DGKB: variants seen among roughly 807,000 people sequenced by gnomAD.
DGKB encodes 90 kDa diacylglycerol kinase.
DGKB carries 67 observed loss-of-function variants against 114.3 expected under a neutral mutation model. That is an observed-to-expected ratio of 0.59 (90% confidence interval 0.48 to 0.72). DGKB has a LOEUF of 0.72. Ranked by LOEUF, DGKB falls within the 30% of genes least tolerant of loss-of-function variation. The probability of loss-of-function intolerance (pLI) is 0.00; values close to 1 mark genes in which losing one functional copy is unlikely to be tolerated. For missense variants in DGKB, 907 were observed against 975.2 expected (o/e 0.93, Z 0.93); for synonymous variants, 398 against 323.1 (o/e 1.23, Z -2.49).
intron 13 of DGKB, among the ~76,000 whole-genome samples, chr7:14,653,722 T>C (rs888891455): frequency 1.3e-5 from 2 of 151,906 alleles, no homozygotes; most frequent in African/African-American, 4.8e-5. Context: ...AGATGGTTCA[T>C]ATATGCAAAT....
chr7:14,487,267 C>T (rs1389712538), intron 20 of DGKB, among the ~76,000 whole-genome samples: 2 of 152,112 alleles, frequency 1.3e-5, no homozygotes, highest in Admixed American at 6.6e-5. Context: ...CAGTTTCCTC[C>T]GGTTTGCTTG....
intron 1 of DGKB, among the ~76,000 whole-genome samples, chr7:14,946,715 G>A (rs1372190528): frequency 3.3e-5 from 5 of 151,656 alleles, no homozygotes; most frequent in Non-Finnish European, 7.4e-5. Flanking sequence ...CCTAGCCATT[G>A]AAGAATAGAA....
chr7:14,676,319 C>A (rs1819848285), intron 12 of DGKB, among the ~76,000 whole-genome samples: 1 of 151,986 alleles, frequency 6.6e-6, no homozygotes, highest in Admixed American at 6.6e-5. Context: ...CAATGAAAAG[C>A]TTTTTATAGT....
At chr7:14,833,487 A>G (rs1846709324) in intron 2 of DGKB, among the ~76,000 whole-genome samples, 1 of 152,146 alleles carries the variant, frequency 6.6e-6, no homozygotes, top group Non-Finnish European at 1.5e-5. Context: ...AGGAAAAGCT[A>G]GACTCCAGGA....
intron 23 of DGKB, among the ~76,000 whole-genome samples, chr7:14,300,732 AGTG>A (rs1803398780): frequency 6.6e-6 from 1 of 152,108 alleles, no homozygotes; most frequent in Non-Finnish European, 1.5e-5. Flanking sequence ...AGTTTTAACA[AGTG>A]TATCGTTCAC....
At chr7:14,879,413 T>A (rs1471729840) in intron 1 of DGKB, among the ~76,000 whole-genome samples, 1 of 152,210 alleles carries the variant, frequency 6.6e-6, no homozygotes, top group Non-Finnish European at 1.5e-5. Context: ...GCTCTTTAAA[T>A]ATAAAAAAAC....
At chr7:14,173,382 T>C (rs147842404) in intron 25 of DGKB, among the ~76,000 whole-genome samples, 1 of 152,324 alleles carries the variant, frequency 6.6e-6, no homozygotes, top group Non-Finnish European at 1.5e-5. Context: ...CATTTTTAAG[T>C]GTGCAGTTCA....
chr7:14,699,402 G>T (rs763903109), intron 7 of DGKB, among the ~76,000 whole-genome samples: 19 of 151,902 alleles, frequency 1.3e-4, no homozygotes, highest in South Asian at 4.2e-4. Flanking sequence ...TGTTACGTAG[G>T]CATGTGATAT....
intron 2 of DGKB, among the ~76,000 whole-genome samples, chr7:14,763,039 C>T (rs1835928724): frequency 6.6e-6 from 1 of 152,052 alleles, no homozygotes; most frequent in South Asian, 2.1e-4. Flanking sequence ...AAATATGATC[C>T]AAATCTATCT....
At chr7:14,928,772 T>G (rs1330275513) in intron 1 of DGKB, among the ~76,000 whole-genome samples, 1 of 151,908 alleles carries the variant, frequency 6.6e-6, no homozygotes, top group Non-Finnish European at 1.5e-5. Context: ...ATATACATCA[T>G]CAGAATAATG....
At position 14,736,097 on chromosome 7, in the gene DGKB, T is replaced by A. The variant is rs1386375483; in HGVS notation, c.266A>T (p.Asn89Ile). ...FTAHLFMSFSNKFPHSSPMVK... is the reference protein window; with the variant it reads ...FTAHLFMSFSIKFPHSSPMVK... ...CATTGGACTAGAATGAGGAAACTTG[T>A]TGCTAAATGACATGAAAAGGTGTGC... Residue 89 changes from asparagine (N) to isoleucine (I), a missense_variant, in exon 5 of 26, where the codon AAC becomes ATC. By Grantham distance (149) the Asn-to-Ile change is moderately radical. Transcript: ENST00000402815. The A allele has an allele frequency of 2.5e-6, 4 of 1,610,630 alleles. No homozygotes were observed. Among genetic ancestry groups the A allele is most frequent in the African/African-American group, 2.7e-5 (2 of 74,866 alleles).
chr7:14,880,324 G>A (rs1176654118), intron 1 of DGKB, among the ~76,000 whole-genome samples: 3 of 152,106 alleles, frequency 2.0e-5, no homozygotes, highest in African/African-American at 7.2e-5. Context: ...CAGGTATGGT[G>A]GCATACACCT....
At chr7:14,219,704 T>A (rs541978292) in intron 23 of DGKB, among the ~76,000 whole-genome samples, 1 of 151,892 alleles carries the variant, frequency 6.6e-6, no homozygotes, top group Non-Finnish European at 1.5e-5. Context: ...ATGATTCCAA[T>A]TATTTTCTCT....
chr7:14,235,607 C>T lies in DGKB; in HGVS notation c.2123-57456G>A, dbSNP rs147038884. Among the ~76,000 whole-genome samples, 403 of 152,126 alleles carry T rather than the reference C, an allele frequency of 2.6e-3. 2 individuals carry two copies. Among genetic ancestry groups the T allele is most frequent in the African/African-American group, 9.4e-3 (389 of 41,516 alleles). ...AAAAATGTGCAACTCAAAGTTATTG[C>T]AGCATATTGTTTATAATATTTGCTT... On this transcript the variant is annotated intron_variant, in intron 23 of 25. Transcript: ENST00000402815.
At chr7:14,292,016 G>A (rs1277758791) in intron 23 of DGKB, among the ~76,000 whole-genome samples, 1 of 152,078 alleles carries the variant, frequency 6.6e-6, no homozygotes, top group African/African-American at 2.4e-5. Flanking sequence ...CACAATATCT[G>A]AAGGACACAT....
At chr7:14,394,660 A>G (rs1821945702) in intron 21 of DGKB, among the ~76,000 whole-genome samples, 1 of 91,364 alleles carries the variant, frequency 1.1e-5, no homozygotes, top group African/African-American at 2.8e-5. Context: ...TTCCCCATCA[A>G]TGACCATTTT....
At chr7:14,176,234 CA>C in intron 25 of DGKB, 2 of 658,846 alleles carry the variant, frequency 3.0e-6, no homozygotes, top group Non-Finnish European at 3.8e-6. Context: ...CTCCCAGTGC[CA>C]AAAGCAGTTC....
intron 23 of DGKB, among the ~76,000 whole-genome samples, chr7:14,261,937 A>G (rs1796836186): frequency 6.6e-6 from 1 of 152,212 alleles, no homozygotes. Flanking sequence ...CCTCAATTAA[A>G]TACCTTAACA....
chr7:14,844,782 C>G (rs1848410067), intron 1 of DGKB, among the ~76,000 whole-genome samples: 1 of 152,078 alleles, frequency 6.6e-6, no homozygotes, highest in Admixed American at 6.6e-5. Flanking sequence ...TTAATTATAT[C>G]TTTCCACCTG....
Sources: gnomAD v4.1 joint callset for allele counts (sites outside exome capture counted in the v4.1 genomes callset) on GRCh38, gnomAD v4.1.1 for gene constraint, MANE v1.5 for transcripts, NCBI Gene and HGNC (gene_info 2026-07-23, HGNC 2026-07-21) for gene names.